Variants in MIPOL1 observed in about 807,000 individuals in gnomAD.
The protein encoded by MIPOL1 is mirror-image polydactyly gene 1 protein.
A neutral mutation model predicts 60.9 loss-of-function variants in MIPOL1; 57 were observed. The ratio of observed to expected loss-of-function variants is 0.94; its 90% CI spans 0.76 to 1.17. MIPOL1 has a LOEUF of 1.17. Among genes scored for constraint, MIPOL1 ranks in the 50% most tolerant of loss-of-function variants. The pLI, the probability that MIPOL1 is intolerant of heterozygous loss-of-function variation, is 0.00. For synonymous variants in MIPOL1, 179 were observed against 168.8 expected, an observed-to-expected ratio of 1.06 and a Z score of -0.47; for missense variants, 551 against 511.6, an observed-to-expected ratio of 1.08 and a Z score of -0.74.
intron 7 of MIPOL1, among the ~76,000 whole-genome samples, chr14:37,287,976 A>G (rs8019167): frequency 0.97 from 147,294 of 152,084 alleles, 71,404 homozygotes; most frequent in East Asian, 1. Flanking sequence ...TGTGACTCTC[A>G]GGTATGAATT....
chr14:37,527,834 C>T (rs2095456988), intron 12 of MIPOL1, among the ~76,000 whole-genome samples: 1 of 151,904 alleles, frequency 6.6e-6, no homozygotes, highest in African/African-American at 2.4e-5. Flanking sequence ...ACTATAAAAC[C>T]TGCCTAATAT....
At chr14:37,402,854 C>A (rs1336778857) in intron 10 of MIPOL1, among the ~76,000 whole-genome samples, 5 of 152,174 alleles carry the variant, frequency 3.3e-5, no homozygotes, top group South Asian at 2.1e-4. Context: ...CTTCTCCCTT[C>A]CCTGTTTAGG....
intron 11 of MIPOL1, among the ~76,000 whole-genome samples, chr14:37,447,434 T>C (rs935838249): frequency 2.6e-5 from 4 of 152,122 alleles, no homozygotes; most frequent in African/African-American, 7.2e-5. Flanking sequence ...CATCACACTT[T>C]TAGGAGGCAA....
Position 37,270,537 on chromosome 14 carries a change from G to A in MIPOL1, c.493+12G>A, listed in dbSNP as rs1160979519. On this transcript the variant is annotated intron_variant, in intron 6 of 12. Transcript: ENST00000684589. Reference sequence around the variant, plus strand: ...TGAAAAGACAGCAGGTATAGTAGAGGAGTATTAACACATGGCTTGAAGAAT... The same window carrying A: ...TGAAAAGACAGCAGGTATAGTAGAGAAGTATTAACACATGGCTTGAAGAAT... The A allele has an allele frequency of 1.4e-6, 2 of 1,441,018 alleles. No individual in the cohort carries two copies. Among genetic ancestry groups the A allele is most frequent in the East Asian group, 2.4e-5 (1 of 42,440 alleles). The allele number at this position is 1,441,018 out of a possible 1,614,324, so 89.3% of individuals were successfully genotyped here.
In MIPOL1 at chr14:37,247,811, GAGTTGGCTTTATTTT is replaced by G; in HGVS notation, c.-60-15_-60-1del. 2.1e-6 allele frequency: 3 copies of G among 1,427,028 alleles called. No individual in the cohort carries two copies. Among genetic ancestry groups the G allele is most frequent in the South Asian group, 2.3e-5 (2 of 85,780 alleles). The allele number at this position is 1,427,028 out of a possible 1,614,324, so 88.4% of individuals were successfully genotyped here. A position where few individuals can be genotyped will look rare whatever the true frequency, so the allele number is the denominator to read the frequency against. On this transcript the variant is annotated splice_polypyrimidine_tract_variant and splice_region_variant and intron_variant, in intron 2 of 12. Transcript: ENST00000684589. Reference sequence around the variant, plus strand: ...ATATTGTTTTCAGTTTATTTATCTAGAGTTGGCTTTATTTTAGCTGCAAATCTTGGAGCAAAAACC... The same window carrying G: ...ATATTGTTTTCAGTTTATTTATCTAGAGCTGCAAATCTTGGAGCAAAAACC...
At chr14:37,201,791 C>T (rs55849975) in intron 1 of MIPOL1, among the ~76,000 whole-genome samples, 14,967 of 152,130 alleles carry the variant, frequency 0.098, 2,433 homozygotes, top group African/African-American at 0.34. Context: ...GCCCACCATC[C>T]ATGTTAACAT....
At chr14:37,490,875 G>A (rs1298301250) in intron 11 of MIPOL1, among the ~76,000 whole-genome samples, 2 of 152,128 alleles carry the variant, frequency 1.3e-5, no homozygotes, top group East Asian at 3.9e-4. Context: ...GGGAGCTGCA[G>A]CCTGGAGCTG....
intron 1 of MIPOL1, among the ~76,000 whole-genome samples, chr14:37,209,539 A>C (rs912126464): frequency 5.3e-5 from 8 of 152,134 alleles, no homozygotes; most frequent in Non-Finnish European, 7.3e-5. Context: ...GCTCGCCTGT[A>C]ATCCCAGCTA....
intron 10 of MIPOL1, among the ~76,000 whole-genome samples, chr14:37,422,044 AAT>A (rs2093881952): frequency 6.6e-6 from 1 of 152,086 alleles, no homozygotes; most frequent in South Asian, 2.1e-4. Flanking sequence ...TTGAATAAAC[AAT>A]ACTAAAACCT....
At chr14:37,396,049 T>C (rs1414856716) in intron 10 of MIPOL1, among the ~76,000 whole-genome samples, 1 of 152,144 alleles carries the variant, frequency 6.6e-6, no homozygotes, top group East Asian at 1.9e-4. Flanking sequence ...TTCATCATGC[T>C]ATTTGTTGCC....
chr14:37,330,502 G>C (rs2089579399), intron 9 of MIPOL1, among the ~76,000 whole-genome samples: 1 of 151,958 alleles, frequency 6.6e-6, no homozygotes, highest in Admixed American at 6.6e-5. Flanking sequence ...ATAATTAACA[G>C]TCCTCAATAT....
chr14:37,402,183 T>C (rs1482032365), intron 10 of MIPOL1, among the ~76,000 whole-genome samples: 1 of 152,158 alleles, frequency 6.6e-6, no homozygotes, highest in Non-Finnish European at 1.5e-5. Context: ...TTTATTAAAA[T>C]GTACTTTCAG....
At chr14:37,430,950 C>T (rs1362805563) in intron 11 of MIPOL1, among the ~76,000 whole-genome samples, 1 of 152,142 alleles carries the variant, frequency 6.6e-6, no homozygotes, top group African/African-American at 2.4e-5. Context: ...AACTAAATTT[C>T]AACATGTATA....
chr14:37,478,742 C>A (rs1407277021), intron 11 of MIPOL1, among the ~76,000 whole-genome samples: 1 of 151,836 alleles, frequency 6.6e-6, no homozygotes, highest in African/African-American at 2.4e-5. Flanking sequence ...TAAATGGATA[C>A]CAAAAGATAG....
chr14:37,290,149 C>T (rs992189673), intron 7 of MIPOL1, among the ~76,000 whole-genome samples: 8 of 152,160 alleles, frequency 5.3e-5, no homozygotes, highest in Non-Finnish European at 7.4e-5. Context: ...AAAAATGTTA[C>T]TCGCTTGTCT....
rs1167320694 is a variant in MIPOL1 at position 37,548,868 on chromosome 14, T to C, written c.*1897T>C. The C allele has an allele frequency of 6.6e-6, 1 of 151,992 alleles. No individual in the cohort carries two copies. The highest frequency in any genetic ancestry group is 6.6e-5 in the Admixed American group (1 of 15,258). The allele number at this position is 151,992 out of a possible 1,614,324, so 9.4% of individuals were successfully genotyped here. A position where few individuals can be genotyped will look rare whatever the true frequency, so the allele number is the denominator to read the frequency against. On this transcript the variant is annotated 3_prime_UTR_variant, in exon 13 of 13. Coordinates refer to ENST00000684589, the MANE Select transcript of MIPOL1 (RefSeq NM_001388067.1). ...ATCAAATTAGAAAAACCAATTCCTA[T>C]AATTAATATGCAGAACTTTTATAGA...
At chr14:37,349,674 A>G (rs1448042732) in intron 9 of MIPOL1, among the ~76,000 whole-genome samples, 15 of 152,014 alleles carry the variant, frequency 9.9e-5, no homozygotes, top group Non-Finnish European at 2.2e-4. Flanking sequence ...CAATTTCTTT[A>G]CTCTGTTGGC....
chr14:37,247,332 T>A (rs1225343731), intron 2 of MIPOL1, 92 bp downstream of exon 2: 1 of 152,384 alleles, frequency 6.6e-6, no homozygotes, highest in East Asian at 1.9e-4. Flanking sequence ...GAGAGAGGAG[T>A]ATCATTAATT....
intron 12 of MIPOL1, chr14:37,503,370 G>A (rs934638450): frequency 1.3e-5 from 2 of 152,128 alleles, no homozygotes; most frequent in Non-Finnish European, 1.5e-5. Flanking sequence ...GGAAGGTCGG[G>A]TTACCCAGAA....
Sources: allele counts gnomAD v4.1 joint callset (sites outside exome capture counted in the v4.1 genomes callset), GRCh38; gene constraint gnomAD v4.1.1; transcripts MANE v1.5; gene names NCBI Gene and HGNC (gene_info 2026-07-23, HGNC 2026-07-21).